The following CTNND2 variants were observed in gnomAD, a reference collection of about 807,000 sequenced individuals.
CTNND2 encodes the protein catenin delta-2.
In CTNND2, 22 loss-of-function variants were observed where a neutral mutation model predicts 144.4. That is an observed-to-expected ratio of 0.15 (90% confidence interval 0.11 to 0.22). The LOEUF (loss-of-function observed/expected upper bound fraction) is 0.22, where lower values mean the gene tolerates loss of function less well. Ranked by LOEUF, CTNND2 falls within the 10% of genes least tolerant of loss-of-function variation. The probability of loss-of-function intolerance (pLI) is 1.00; values close to 1 mark genes in which losing one functional copy is unlikely to be tolerated. For synonymous variants in CTNND2, 751 were observed against 695.6 expected, an observed-to-expected ratio of 1.08 and a Z score of -1.25; for missense variants, 1,353 against 1,618.8, an observed-to-expected ratio of 0.84 and a Z score of 2.82.
intron 2 of CTNND2, among the ~76,000 whole-genome samples, chr5:11,680,292 A>G (rs74718421): frequency 0.024 from 3,661 of 152,254 alleles, 48 homozygotes; most frequent in East Asian, 0.057. Context: ...CTTTATCCCT[A>G]GAGCAGTGGT....
intron 2 of CTNND2, among the ~76,000 whole-genome samples, chr5:11,711,348 C>T (rs796776436): frequency 2.9e-4 from 44 of 152,328 alleles, no homozygotes; most frequent in African/African-American, 1.0e-3. Flanking sequence ...TGAGCCACCA[C>T]GCCGGGCCGA....
intron 3 of CTNND2, among the ~76,000 whole-genome samples, chr5:11,521,370 CCAT>C (rs1772700147): frequency 6.6e-6 from 1 of 152,110 alleles, no homozygotes; most frequent in African/African-American, 2.4e-5. Context: ...GCCTCTTTTC[CCAT>C]CATCATTCTC....
At chr5:11,079,088 C>T (rs1454298199) in intron 16 of CTNND2, among the ~76,000 whole-genome samples, 1 of 142,792 alleles carries the variant, frequency 7.0e-6, no homozygotes, top group Non-Finnish European at 1.5e-5. Flanking sequence ...CTTCCCAGGT[C>T]ATAAAAGGCT....
intron 9 of CTNND2, among the ~76,000 whole-genome samples, chr5:11,329,087 T>A (rs955128246): frequency 5.9e-5 from 9 of 152,192 alleles, no homozygotes; most frequent in African/African-American, 2.2e-4. Context: ...CACCTCTTCC[T>A]CTTCTTATAA....
At position 11,732,147 on chromosome 5, in the gene CTNND2, C is replaced by A. The variant is rs767934296; in HGVS notation, c.163G>T (p.Val55Phe). The A allele has an allele frequency of 6.2e-7, 1 of 1,613,350 alleles. No individual in the cohort carries two copies. Among genetic ancestry groups the A allele is most frequent in the Admixed American group, 1.7e-5 (1 of 59,984 alleles). Reference protein sequence around the residue: ...TETTSAILASVKEQELQFERL... With the variant: ...TETTSAILASFKEQELQFERL... ...GGGAATGTTTCTACCTGTTCTTTGACTGAGGCGAGGATGGCAGAGGTGGTT... is the reference window on the plus strand; with the variant it reads ...GGGAATGTTTCTACCTGTTCTTTGAATGAGGCGAGGATGGCAGAGGTGGTT... Residue 55 changes from valine to phenylalanine, a missense_variant, in exon 2 of 22, where the codon GTC (valine) becomes TTC (phenylalanine). Physicochemically the swap from Val to Phe is conservative, Grantham distance 50 (BLOSUM62 -1). Transcript: ENST00000304623.
chr5:11,336,753 G>A (rs1331358130), intron 9 of CTNND2, among the ~76,000 whole-genome samples: 8 of 152,094 alleles, frequency 5.3e-5, no homozygotes, highest in Non-Finnish European at 1.2e-4. Context: ...AATTATGTGT[G>A]TATATGTATG....
chr5:11,594,477 A>G (rs1443728144), intron 2 of CTNND2, among the ~76,000 whole-genome samples: 1 of 152,212 alleles, frequency 6.6e-6, no homozygotes, highest in African/African-American at 2.4e-5. Context: ...AATGTTCTTG[A>G]TTTTAAAAAA....
At chr5:11,094,481 T>TA (rs777607520) in intron 15 of CTNND2, among the ~76,000 whole-genome samples, 459 of 79,382 alleles carry the variant, frequency 5.8e-3, no homozygotes, top group South Asian at 0.023. Flanking sequence ...GAGTTCTTGC[T>TA]TTTTTTTTTT....
intron 15 of CTNND2, among the ~76,000 whole-genome samples, chr5:11,091,751 T>C (rs1750796208): frequency 6.6e-6 from 1 of 152,198 alleles, no homozygotes; most frequent in Non-Finnish European, 1.5e-5. Flanking sequence ...CCATGGATTA[T>C]GAGATTTTCT....
chr5:11,125,542 G>A (rs1580354014), intron 12 of CTNND2, among the ~76,000 whole-genome samples: 2 of 152,142 alleles, frequency 1.3e-5, no homozygotes, highest in African/African-American at 2.4e-5. Flanking sequence ...GCTCAGCGCC[G>A]GGCTGGTTTC....
Position 11,110,879 on chromosome 5 carries a change from C to A in CTNND2, c.2442G>T (p.Lys814Asn). 6.5e-7 allele frequency: 1 copy of A among 1,548,334 alleles called. No homozygotes were observed. The highest frequency in any genetic ancestry group is 1.2e-5 in the South Asian group (1 of 82,856). Residue 814 changes from lysine to asparagine, a missense_variant, in exon 14 of 22, where the codon AAG becomes AAT. This residue lies in a region of CTNND2 where 459 missense variants were observed against 674.3 expected (regional missense o/e 0.68). Coordinates refer to ENST00000304623, the MANE Select transcript of CTNND2 (RefSeq NM_001332.4). ...ESSGCWGKKKKKKKSQDQWDG... is the reference protein window; with the variant it reads ...ESSGCWGKKKNKKKSQDQWDG... ...TCACCTGATCTTGGGATTTCTTTTT[C>A]TTCTTCTTCTTGCCCCAGCACCCAG...
At chr5:11,146,955 C>A (rs1056799077) in intron 12 of CTNND2, among the ~76,000 whole-genome samples, 2 of 152,112 alleles carry the variant, frequency 1.3e-5, no homozygotes, top group African/African-American at 4.8e-5. Context: ...TATGAACAAC[C>A]AGGAGAGTGA....
intron 2 of CTNND2, among the ~76,000 whole-genome samples, chr5:11,713,998 G>A (rs547468420): frequency 2.6e-5 from 4 of 152,164 alleles, no homozygotes; most frequent in South Asian, 2.1e-4. Flanking sequence ...CCGTAGCCTC[G>A]ACAACAAGTT....
At chr5:11,171,605 G>T (rs112617543) in intron 11 of CTNND2, among the ~76,000 whole-genome samples, 1 of 152,126 alleles carries the variant, frequency 6.6e-6, no homozygotes, top group Non-Finnish European at 1.5e-5. Flanking sequence ...TAAGGAATAC[G>T]CAGTAAATTA....
intron 1 of CTNND2, among the ~76,000 whole-genome samples, chr5:11,774,308 A>G (rs985027539): frequency 2.0e-5 from 3 of 148,840 alleles, no homozygotes; most frequent in African/African-American, 4.9e-5. Flanking sequence ...TTATGGCTGC[A>G]TAGTATTCCA....
intron 2 of CTNND2, among the ~76,000 whole-genome samples, chr5:11,618,087 G>T (rs1371137259): frequency 6.6e-6 from 1 of 151,000 alleles, no homozygotes; most frequent in African/African-American, 2.4e-5. Flanking sequence ...ACCCTATCAG[G>T]CTTTTTTTTT....
rs762650023 is a variant in CTNND2, at chr5:11,732,226, C to T, written c.84G>A (p.Thr28=). 7 of 1,613,942 alleles carry T rather than the reference C, an allele frequency of 4.3e-6. No homozygotes were observed. Among genetic ancestry groups the T allele is most frequent in the South Asian group, 2.2e-5 (2 of 91,062 alleles). The change falls in exon 2 of 22, where the codon ACG becomes ACA. Residue 28 remains threonine (T), a synonymous_variant. Coordinates refer to ENST00000304623, the MANE Select transcript of CTNND2 (RefSeq NM_001332.4). ...TGTTTAAGCCGGGGCTCAGGGAACT[C>T]GTCTTCTCTGAGGCTGATGAAGGCT... ...PDQPSSASEK[T]SSLSPGLNTS... is the part of the protein sequence containing the mutation.
chr5:11,308,543 T>C (rs1750487875), intron 9 of CTNND2, among the ~76,000 whole-genome samples: 1 of 152,386 alleles, frequency 6.6e-6, no homozygotes, highest in East Asian at 1.9e-4. Flanking sequence ...AAGTAGTGGG[T>C]TCACTTCCCC....
chr5:11,381,784 G>A (rs927722253), intron 7 of CTNND2, among the ~76,000 whole-genome samples: 9 of 152,160 alleles, frequency 5.9e-5, no homozygotes, highest in South Asian at 2.1e-4. Context: ...TGGCTAACAC[G>A]GTGAAACCCC....
Sources: gnomAD v4.1 joint callset for allele counts (sites outside exome capture counted in the v4.1 genomes callset) on GRCh38, gnomAD v4.1.1 for gene constraint, gnomAD v4.1.1 regional missense constraint, MANE v1.5 for transcripts, NCBI Gene and HGNC (gene_info 2026-07-23, HGNC 2026-07-21) for gene names.